Variants in ATP13A4 observed in about 807,000 individuals in gnomAD.
The protein encoded by ATP13A4 is ATPase 13A4.
ATP13A4 carries 114 observed loss-of-function variants against 142.5 expected under a neutral mutation model. That is an observed-to-expected ratio of 0.80 (90% confidence interval 0.69 to 0.93). The LOEUF is 0.93. Among genes scored for constraint, ATP13A4 ranks in the 40% least tolerant of loss-of-function variants. The pLI is 0.00. For missense variants in ATP13A4, 1,392 were observed against 1,454.0 expected, an observed-to-expected ratio of 0.96 and a Z score of 0.69; for synonymous variants, 488 against 514.8, an observed-to-expected ratio of 0.95 and a Z score of 0.70.
rs1553848477 is a variant in ATP13A4 at position 193,483,655 on chromosome 3, A to ACG, written c.808+280_808+281insCG. ...AATTTTTTGTATTTTTGGTAGAGAC[A>ACG]GGGTTTCACCGTGTTAGCCAGGATC... On this transcript the variant is annotated intron_variant, in intron 8 of 29. Transcript: ENST00000342695. Among the ~76,000 whole-genome samples, 176 of 151,986 alleles carry ACG rather than the reference A, an allele frequency of 1.2e-3. 2 individuals are homozygous for ACG. In the East Asian group the frequency reaches 0.014, roughly 12 times the overall value.
chr3:193,435,843 A>G, intron 23 of ATP13A4, 99 bp from the exon 24 acceptor site: 1 of 1,060,650 alleles, frequency 9.4e-7, no homozygotes, highest in South Asian at 1.3e-5. Flanking sequence ...AAAAAAATCA[A>G]AAGTCATTAT....
intron 7 of ATP13A4, among the ~76,000 whole-genome samples, chr3:193,489,350 T>A (rs1352224866): frequency 6.6e-6 from 1 of 152,082 alleles, no homozygotes; most frequent in Admixed American, 6.6e-5. Flanking sequence ...CAGCCAAACA[T>A]AAACAGCAAA....
chr3:193,511,254 G>C (rs189351148), intron 2 of ATP13A4, among the ~76,000 whole-genome samples: 1 of 152,332 alleles, frequency 6.6e-6, no homozygotes, highest in East Asian at 1.9e-4. Flanking sequence ...GGGCTTGACA[G>C]ACTGTCAAGG....
chr3:193,438,915 G>A lies in ATP13A4; in HGVS notation c.2562+108C>T, dbSNP rs1022258399. ...CCAGGAGTATACCTCTAAAGGGCTCGAGTATAAATGAATGTGAGATTATGA... is the reference window on the plus strand; with the variant it reads ...CCAGGAGTATACCTCTAAAGGGCTCAAGTATAAATGAATGTGAGATTATGA... On this transcript the variant is annotated intron_variant, in intron 22 of 29. Transcript: ENST00000342695. 27 of 1,193,126 alleles carry A rather than the reference G, an allele frequency of 2.3e-5. No homozygotes were observed. The South Asian group carries it at 2.3e-4, about 10-fold the overall frequency. 73.9% of individuals were successfully genotyped at this position (1,193,126 alleles called of 1,614,324 possible). A position where few individuals can be genotyped will look rare whatever the true frequency, so the allele number is the denominator to read the frequency against.
At chr3:193,428,723 T>C (rs113051679) in intron 25 of ATP13A4, among the ~76,000 whole-genome samples, 82 of 140,040 alleles carry the variant, frequency 5.9e-4, no homozygotes, top group African/African-American at 2.0e-3. Context: ...TTCTCACTTA[T>C]AGGTGGGAAT....
chr3:193,459,044 A>T, intron 14 of ATP13A4, 37 bp downstream of exon 14: 1 of 1,612,940 alleles, frequency 6.2e-7, no homozygotes, highest in Non-Finnish European at 8.5e-7. Context: ...CTGGCATTGA[A>T]GAAGCTTCTC....
chr3:193,476,610 G>A (rs911460908), intron 8 of ATP13A4, among the ~76,000 whole-genome samples: 1 of 152,058 alleles, frequency 6.6e-6, no homozygotes, highest in Non-Finnish European at 1.5e-5. Context: ...GTGTATCTCA[G>A]CTTTCAACAT....
chr3:193,434,186 G>A (rs1716131777), intron 24 of ATP13A4, among the ~76,000 whole-genome samples: 1 of 152,132 alleles, frequency 6.6e-6, no homozygotes. Context: ...TTGTTGAGGA[G>A]GACATCTTCC....
Position 193,401,539 on chromosome 3 carries a change from C to G in ATP13A4, c.*1113G>C, listed in dbSNP as rs753408928. On this transcript the variant is annotated 3_prime_UTR_variant, in exon 30 of 30. Coordinates refer to ENST00000342695, the MANE Select transcript of ATP13A4 (RefSeq NM_032279.4). The stretch of plus-strand genomic sequence containing the variant: ...CATGTGACATGAGAGATTCCTAAAA[C>G]ATAGGATAAGTTACTGGGGTTAGGA... Among the ~76,000 whole-genome samples, 1 of 152,104 alleles carries G rather than the reference C, an allele frequency of 6.6e-6. No individual in the cohort carries two copies. The highest frequency in any genetic ancestry group is 1.5e-5 in the Non-Finnish European group (1 of 68,012).
intron 2 of ATP13A4, among the ~76,000 whole-genome samples, chr3:193,568,053 G>A (rs989433291): frequency 1.1e-4 from 17 of 151,938 alleles, no homozygotes; most frequent in Admixed American, 2.6e-4. Flanking sequence ...TCCGTCTCCC[G>A]GGTTCAAGCG....
At chr3:193,474,322 C>CAAAAAAAAAAA (rs1176133187) in intron 8 of ATP13A4, among the ~76,000 whole-genome samples, 1 of 69,088 alleles carries the variant, frequency 1.4e-5, no homozygotes, top group Non-Finnish European at 2.8e-5. Context: ...GACTCCGTCT[C>CAAAAAAAAAAA]AAAAAAAAAA....
chr3:193,473,230 C>A (rs1718722410), intron 8 of ATP13A4, among the ~76,000 whole-genome samples: 1 of 152,186 alleles, frequency 6.6e-6, no homozygotes. Flanking sequence ...TTAAAGGGCT[C>A]TCACTGCCTA....
chr3:193,536,223 A>G (rs1173842947), intron 1 of ATP13A4, among the ~76,000 whole-genome samples: 1 of 152,112 alleles, frequency 6.6e-6, no homozygotes, highest in Non-Finnish European at 1.5e-5. Flanking sequence ...GGAATAGAGA[A>G]GCAAATTTCC....
At chr3:193,427,989 T>C (rs1418249226) in intron 25 of ATP13A4, among the ~76,000 whole-genome samples, 5 of 152,034 alleles carry the variant, frequency 3.3e-5, no homozygotes, top group Admixed American at 1.3e-4. Context: ...AAACTACCAT[T>C]AGAGTGAACA....
chr3:193,502,767 G>C, intron 2 of ATP13A4, 128 bp from the exon 3 acceptor site: 3 of 1,011,252 alleles, frequency 3.0e-6, no homozygotes, highest in Non-Finnish European at 4.5e-6. Context: ...TAGACAGAAC[G>C]GTTTGTCTCT....
intron 29 of ATP13A4, among the ~76,000 whole-genome samples, chr3:193,406,427 A>G (rs1375806694): frequency 6.6e-6 from 1 of 152,238 alleles, no homozygotes; most frequent in African/African-American, 2.4e-5. Context: ...GAGCAGAAAT[A>G]GAGACAGATG....
rs535342472 is a variant in ATP13A4 at position 193,457,402 on chromosome 3, T to C, written c.1738A>G (p.Lys580Glu). ...ACCTGGCTGGCTGTTCTGCAGGGCT[T>C]AACTACCATGGCATGTGCCGGCACT... ...KGVPAHAMVV[K>E]PCRTASQVPV... is the part of the protein sequence containing the mutation. Residue 580 changes from lysine to glutamate, a missense_variant, in exon 15 of 30, where the codon AAG (lysine) becomes GAG (glutamate). By Grantham distance (56) the Lys-to-Glu change is moderately conservative. Transcript: ENST00000342695. 6.2e-7 allele frequency: 1 copy of C among 1,614,196 alleles called. No individual in the cohort carries two copies. The highest frequency in any genetic ancestry group is 2.2e-5 in the East Asian group (1 of 44,878).
chr3:193,475,029 C>T (rs545909418), intron 8 of ATP13A4, among the ~76,000 whole-genome samples: 1 of 152,224 alleles, frequency 6.6e-6, no homozygotes, highest in African/African-American at 2.4e-5. Context: ...GAATCAGTCA[C>T]TGACACATTT....
intron 2 of ATP13A4, among the ~76,000 whole-genome samples, chr3:193,581,007 T>G (rs1026598059): frequency 1.3e-5 from 2 of 152,236 alleles, no homozygotes; most frequent in African/African-American, 4.8e-5. Flanking sequence ...AAATGCTTCA[T>G]TACTATCAAT....
Sources: gnomAD v4.1 joint callset for allele counts (sites outside exome capture counted in the v4.1 genomes callset) on GRCh38, gnomAD v4.1.1 for gene constraint, MANE v1.5 for transcripts, NCBI Gene and HGNC (gene_info 2026-07-23, HGNC 2026-07-21) for gene names.